PCDH15: variants seen among roughly 807,000 people sequenced by gnomAD.
PCDH15 encodes protocadherin related 15, also known as protocadherin-15.
In PCDH15, 129 loss-of-function variants were observed where a neutral mutation model predicts 178.5. That is an observed-to-expected ratio of 0.72 (90% confidence interval 0.63 to 0.84). PCDH15 has a LOEUF of 0.84. Among genes scored for constraint, PCDH15 ranks in the 40% least tolerant of loss-of-function variants. The pLI is 0.00. For synonymous variants in PCDH15, 800 were observed against 732.0 expected (o/e 1.09, Z -1.50); for missense variants, 2,230 against 2,099.9 (o/e 1.06, Z -1.21).
chr10:54,455,117 T>C (rs2076735010), intron 3 of PCDH15, among the ~76,000 whole-genome samples: 1 of 152,230 alleles, frequency 6.6e-6, no homozygotes, highest in African/African-American at 2.4e-5. Context: ...CCTTCCAATA[T>C]GATTGTATGT....
intron 1 of PCDH15, among the ~76,000 whole-genome samples, chr10:55,306,382 A>C (rs985188195): frequency 1.3e-5 from 2 of 152,308 alleles, no homozygotes; most frequent in Admixed American, 1.3e-4. Flanking sequence ...GTTCCTATCA[A>C]TCTTTCACCT....
intron 2 of PCDH15, among the ~76,000 whole-genome samples, chr10:54,942,829 C>A (rs1454295276): frequency 6.6e-6 from 1 of 151,998 alleles, no homozygotes; most frequent in Non-Finnish European, 1.5e-5. Flanking sequence ...GATGCTGCTT[C>A]TGTTATTGTC....
chr10:54,728,368 CT>C (rs1386292759), intron 1 of PCDH15, among the ~76,000 whole-genome samples: 1 of 151,368 alleles, frequency 6.6e-6, no homozygotes, highest in Non-Finnish European at 1.5e-5. Flanking sequence ...ACAGAAAAGA[CT>C]TTTGATAAAA....
chr10:55,597,279 C>G (rs1842956426), intron 2 of PCDH15: 1 of 152,084 alleles, frequency 6.6e-6, no homozygotes, highest in Admixed American at 6.6e-5. Context: ...CGTACGTTCA[C>G]GCACACGTAC....
At chr10:54,964,910 A>C (rs937926626) in intron 2 of PCDH15, among the ~76,000 whole-genome samples, 2 of 152,176 alleles carry the variant, frequency 1.3e-5, no homozygotes, top group African/African-American at 4.8e-5. Flanking sequence ...AGAGCAGCCA[A>C]CTCTGAGATA....
chr10:55,126,983 T>C (rs1837917036), intron 2 of PCDH15, among the ~76,000 whole-genome samples: 2 of 152,026 alleles, frequency 1.3e-5, no homozygotes, highest in African/African-American at 4.8e-5. Flanking sequence ...TGTTCCACAT[T>C]CCTCTTTCCT....
chr10:54,338,714 T>C (rs937052905), intron 6 of PCDH15, among the ~76,000 whole-genome samples: 1 of 152,158 alleles, frequency 6.6e-6, no homozygotes, highest in Admixed American at 6.5e-5. Flanking sequence ...CTTCATTTTT[T>C]TTTTCTGAGT....
At chr10:54,747,258 G>C (rs1945592818) in intron 1 of PCDH15, among the ~76,000 whole-genome samples, 1 of 152,196 alleles carries the variant, frequency 6.6e-6, no homozygotes, top group Admixed American at 6.5e-5. Flanking sequence ...CCAGACACCA[G>C]CCACTGGTCA....
intron 25 of PCDH15, among the ~76,000 whole-genome samples, chr10:53,938,518 G>C (rs558868986): frequency 1.3e-5 from 2 of 152,106 alleles, no homozygotes; most frequent in Non-Finnish European, 2.9e-5. Flanking sequence ...TTTATCCAGA[G>C]CTTCACAGTG....
chr10:55,242,242 G>T (rs1258220013), intron 1 of PCDH15, among the ~76,000 whole-genome samples: 3 of 152,060 alleles, frequency 2.0e-5, no homozygotes, highest in African/African-American at 7.2e-5. Context: ...GCATATATCA[G>T]CTTGAAATGA....
rs1951553126 is a variant in PCDH15 at position 54,398,690 on chromosome 10, C to A, written c.158-19748G>T. ...AAACAAAAAAAACTGATATTAGAAC[C>A]TAGGTTATTTTATTTGCTGCTGGAT... is the stretch of plus-strand genomic sequence containing the variant. On this transcript the variant is annotated intron_variant, in intron 3 of 37. Transcript: ENST00000644397. Among the ~76,000 whole-genome samples, 3 of 151,846 alleles carry A rather than the reference C, an allele frequency of 2.0e-5. No individual in the cohort carries two copies. The South Asian group carries it at 6.2e-4, about 31-fold the overall frequency.
chr10:54,178,306 TAGAG>T (rs938217198), intron 13 of PCDH15, among the ~76,000 whole-genome samples: 1 of 152,034 alleles, frequency 6.6e-6, no homozygotes, highest in Non-Finnish European at 1.5e-5. Context: ...GATAGAAATA[TAGAG>T]ATAGATATAG....
At chr10:54,167,335 C>T (rs1406264196) in intron 13 of PCDH15, among the ~76,000 whole-genome samples, 2 of 152,084 alleles carry the variant, frequency 1.3e-5, no homozygotes, top group Non-Finnish European at 2.9e-5. Flanking sequence ...ACCACTTTCT[C>T]CTTTCCACTC....
chr10:55,105,575 T>C (rs978021113), intron 2 of PCDH15, among the ~76,000 whole-genome samples: 1 of 152,194 alleles, frequency 6.6e-6, no homozygotes, highest in Non-Finnish European at 1.5e-5. Flanking sequence ...AGGAGGATCC[T>C]ATTCATCCTG....
intron 1 of PCDH15, among the ~76,000 whole-genome samples, chr10:55,184,642 C>T (rs1839746049): frequency 6.6e-6 from 1 of 151,860 alleles, no homozygotes; most frequent in African/African-American, 2.4e-5. Context: ...AAATAAGTAG[C>T]TATATTAAGA....
chr10:54,198,244 C>T (rs2049871147), intron 10 of PCDH15, among the ~76,000 whole-genome samples: 1 of 152,100 alleles, frequency 6.6e-6, no homozygotes, highest in African/African-American at 2.4e-5. Context: ...CCCTGTGACA[C>T]ACATCAGGCT....
chr10:55,623,300 A>G (rs530174999), intron 2 of PCDH15, among the ~76,000 whole-genome samples: 1 of 152,250 alleles, frequency 6.6e-6, no homozygotes, highest in East Asian at 1.9e-4. Flanking sequence ...GGTTTGTGAG[A>G]CTAGGTTGTA....
chr10:54,890,426 A>T (rs1954440171), intron 3 of PCDH15, among the ~76,000 whole-genome samples: 1 of 152,082 alleles, frequency 6.6e-6, no homozygotes, highest in Non-Finnish European at 1.5e-5. Flanking sequence ...TAAAATATAA[A>T]ATGTAATAAA....
intron 1 of PCDH15, among the ~76,000 whole-genome samples, chr10:55,311,255 A>G (rs908030829): frequency 6.6e-6 from 1 of 152,130 alleles, no homozygotes; most frequent in African/African-American, 2.4e-5. Context: ...TTCAGATGGG[A>G]CAGCTTATTT....
Sources: allele counts gnomAD v4.1 joint callset (sites outside exome capture counted in the v4.1 genomes callset), GRCh38; gene constraint gnomAD v4.1.1; transcripts MANE v1.5; gene names NCBI Gene and HGNC (gene_info 2026-07-23, HGNC 2026-07-21).